The following FZD8 variants were observed in gnomAD, a reference collection of about 807,000 sequenced individuals.
FZD8 encodes the protein frizzled-8.
Under a neutral mutation model 46.0 loss-of-function variants are expected in FZD8, and 18 were observed. The ratio of observed to expected loss-of-function variants is 0.39; its 90% CI spans 0.27 to 0.58. The LOEUF (loss-of-function observed/expected upper bound fraction) is 0.58. FZD8 is among the 20% of genes least tolerant of loss of function. The pLI is 0.55. For missense variants in FZD8, 785 were observed against 983.4 expected, an observed-to-expected ratio of 0.80 and a Z score of 2.70; for synonymous variants, 586 against 467.9, an observed-to-expected ratio of 1.25 and a Z score of -3.26.
At position 35,641,151 on chromosome 10, in the gene FZD8, C is replaced by G; in HGVS notation, c.279G>C (p.Thr93=). ...TCTTGTAGTCCTCTAGGCAGATGGGCGTGTACATGCTGCACAGGAAGAACT... is the reference window on the plus strand; with the variant it reads ...TCTTGTAGTCCTCTAGGCAGATGGGGGTGTACATGCTGCACAGGAAGAACT... ...DLKFFLCSMY[T]PICLEDYKKP... Residue 93 remains threonine, a synonymous_variant, in exon 1 of 1, where the codon ACG becomes ACC. Transcript: ENST00000374694. The surrounding 1 kb of genome is among the most constrained non-coding windows in gnomAD (Gnocchi z 6.3). The G allele has an allele frequency of 1.2e-6, 2 of 1,613,648 alleles. No homozygotes were observed. The highest frequency in any genetic ancestry group is 1.7e-6 in the Non-Finnish European group (2 of 1,179,826).
Position 35,640,362 on chromosome 10 carries a change from CGCGCCGCCCGCGCCCCCA to C in FZD8, c.1050_1067del (p.Gly351_Ala356del). On this transcript the variant is annotated inframe_deletion, in exon 1 of 1. Transcript: ENST00000374694. ...CGCCCGCCGCGCCCGCGCCCGCCGC[CGCGCCGCCCGCGCCCCCA>C]GCGCCCCCCGCGCCCGGCGCGCCAC... 1 of 964,428 alleles carries C rather than the reference CGCGCCGCCCGCGCCCCCA, an allele frequency of 1.0e-6. No individual in the cohort carries two copies. Among genetic ancestry groups the C allele is most frequent in the Non-Finnish European group, 1.2e-6 (1 of 813,430 alleles). The allele number at this position is 964,428 out of a possible 1,614,324, so 59.7% of individuals were successfully genotyped here. A position where few individuals can be genotyped will look rare whatever the true frequency, so the allele number is the denominator to read the frequency against.
Position 35,640,348 on chromosome 10 carries a change from C to CCCGCCG in FZD8, c.1081_1082insCGGCGG (p.Ala360_Gly361insAlaAla). 1 of 962,546 alleles carries CCCGCCG rather than the reference C, an allele frequency of 1.0e-6. No homozygotes were observed. The highest frequency in any genetic ancestry group is 4.6e-5 in the South Asian group (1 of 21,596). The allele number at this position is 962,546 out of a possible 1,614,324, so 59.6% of individuals were successfully genotyped here. ...GCCGCCCGCGCCCGCGCCCGCCGCG[C>CCCGCCG]CCGCGCCCGCCGCCGCGCCGCCCGC... On this transcript the variant is annotated inframe_insertion, in exon 1 of 1. Coordinates refer to ENST00000374694, the MANE Select transcript of FZD8 (RefSeq NM_031866.3).
In FZD8 at chr10:35,639,510, A is replaced by AC; in HGVS notation, c.1919dup (p.Gly641TrpfsTer80). The AC allele has an allele frequency of 2.2e-6, 2 of 890,998 alleles. No homozygotes were observed. Among genetic ancestry groups the AC allele is most frequent in the Non-Finnish European group, 2.7e-6 (2 of 731,802 alleles). The allele number at this position is 890,998 out of a possible 1,614,324, so 55.2% of individuals were successfully genotyped here. On this transcript the variant is annotated frameshift_variant, in exon 1 of 1. Transcript: ENST00000374694. LOFTEE classifies it high-confidence loss of function. ...CGCCGCCGCCCCCCGGCCCGCCGCC[A>AC]CCCCCCGCGGCCGTGGCGCCCGCGC...
chr10:35,642,089 G>A lies in FZD8; in HGVS notation c.-660C>T, dbSNP rs1053088510. On this transcript the variant is annotated 5_prime_UTR_variant, in exon 1 of 1. Coordinates refer to ENST00000374694, the MANE Select transcript of FZD8 (RefSeq NM_031866.3). The stretch of plus-strand genomic sequence containing the variant: ...CGTCCGTCCGCCGCCGGGACAGACG[G>A]ACCCCCGCCGCCTGGAAAAGTCAGC... The A allele has an allele frequency of 2.6e-5, 4 of 153,480 alleles. No individual in the cohort carries two copies. The highest frequency in any genetic ancestry group is 9.7e-5 in the African/African-American group (4 of 41,448). The allele number at this position is 153,480 out of a possible 1,614,324, so 9.5% of individuals were successfully genotyped here.
chr10:35,639,534 GC>G lies in FZD8; in HGVS notation c.1895del (p.Gly632AlafsTer42). ...CACCCCCCGCGGCCGTGGCGCCCGCGCCCCCGCCCACCGCGGCGCCCTTGCT... is the reference window on the plus strand; with the variant it reads ...CACCCCCCGCGGCCGTGGCGCCCGCGCCCCGCCCACCGCGGCGCCCTTGCT... ...WASKGAAVGG[G>X]AGATAAGGGG... On this transcript the variant is annotated frameshift_variant, in exon 1 of 1. Transcript: ENST00000374694. LOFTEE classifies it high-confidence loss of function. The G allele has an allele frequency of 1.6e-6, 2 of 1,252,050 alleles. No homozygotes were observed. The highest frequency in any genetic ancestry group is 2.0e-6 in the Non-Finnish European group (2 of 986,262). 77.6% of individuals were successfully genotyped at this position (1,252,050 alleles called of 1,614,324 possible). A position where few individuals can be genotyped will look rare whatever the true frequency, so the allele number is the denominator to read the frequency against.
Position 35,638,776 on chromosome 10 carries a change from A to G in FZD8, c.*569T>C, listed in dbSNP as rs1296010805. ...CAATTTAACAAATAATTATATAAAT[A>G]CATCCTCTAATGTAAGAAACCCGTA... On this transcript the variant is annotated 3_prime_UTR_variant, in exon 1 of 1. Coordinates refer to ENST00000374694, the MANE Select transcript of FZD8 (RefSeq NM_031866.3). 1 of 152,626 alleles carries G rather than the reference A, an allele frequency of 6.6e-6. No individual in the cohort carries two copies. Among genetic ancestry groups the G allele is most frequent in the East Asian group, 1.9e-4 (1 of 5,184 alleles). The allele number at this position is 152,626 out of a possible 1,614,324, so 9.5% of individuals were successfully genotyped here.
In FZD8 at chr10:35,641,383, A is replaced by G; in HGVS notation, c.47T>C (p.Leu16Ser). 1 of 1,612,646 alleles carries G rather than the reference A, an allele frequency of 6.2e-7. No homozygotes were observed. The highest frequency in any genetic ancestry group is 8.5e-7 in the Non-Finnish European group (1 of 1,179,608). The change falls in exon 1 of 1, where the codon TTG (leucine) becomes TCG (serine). Residue 16 changes from leucine to serine, a missense_variant. Leu to Ser is a moderately radical substitution (Grantham distance 145, BLOSUM62 -2). Coordinates refer to ENST00000374694, the MANE Select transcript of FZD8 (RefSeq NM_031866.3). The surrounding 1 kb of genome is among the most constrained non-coding windows in gnomAD (Gnocchi z 6.3). Reference protein sequence around the residue: ...LLEVTSLLAALALLQRSSGAA... With the variant: ...LLEVTSLLAASALLQRSSGAA... ...GCCGCTAGAGCGCTGCAGCAGCGCC[A>G]AGGCGGCCAGCAGCGAGGTCACTTC...
chr10:35,641,632 C>A lies in FZD8; in HGVS notation c.-203G>T, dbSNP rs371313095. The A allele has an allele frequency of 1.6e-6, 1 of 635,212 alleles. No homozygotes were observed. The highest frequency in any genetic ancestry group is 3.1e-5 in the Admixed American group (1 of 32,360). 39.3% of individuals were successfully genotyped at this position (635,212 alleles called of 1,614,324 possible). A position where few individuals can be genotyped will look rare whatever the true frequency, so the allele number is the denominator to read the frequency against. The stretch of plus-strand genomic sequence containing the variant: ...GGCGCGGCCCGCAGCCTGGGCAGGG[C>A]CCTTCCGCACTCCTTTCCGCCGCTC... On this transcript the variant is annotated 5_prime_UTR_variant, in exon 1 of 1. Coordinates refer to ENST00000374694, the MANE Select transcript of FZD8 (RefSeq NM_031866.3). This position sits in a 1 kb window ranked among gnomAD's most constrained non-coding sequence, Gnocchi z 6.3.
Position 35,641,071 on chromosome 10 carries a change from G to T in FZD8, c.359C>A (p.Pro120Gln), listed in dbSNP as rs1416878224. 1 of 1,609,892 alleles carries T rather than the reference G, an allele frequency of 6.2e-7. No homozygotes were observed. The highest frequency in any genetic ancestry group is 1.7e-5 in the Admixed American group (1 of 59,862). ...VCERAKAGCA[P>Q]LMRQYGFAWP... is the part of the protein sequence containing the mutation. The stretch of plus-strand genomic sequence containing the variant: ...GGCGAAGCCGTACTGGCGCATGAGC[G>T]GCGCGCAGCCGGCCTTGGCGCGCTC... The change falls in exon 1 of 1, where the codon CCG becomes CAG. Residue 120 changes from proline (P) to glutamine (Q), a missense_variant. This residue lies in a region of FZD8 where 354 missense variants were observed against 433.2 expected (regional missense o/e 0.82). Transcript: ENST00000374694. This position sits in a 1 kb window ranked among gnomAD's most constrained non-coding sequence, Gnocchi z 6.3.
Position 35,639,304 on chromosome 10 carries a change from G to GGCCCCCCCCCCCCC in FZD8, c.*40_*41insGGGGGGGGGGGGGC. 2 of 826,696 alleles carry GGCCCCCCCCCCCCC rather than the reference G, an allele frequency of 2.4e-6. No homozygotes were observed. Among genetic ancestry groups the GGCCCCCCCCCCCCC allele is most frequent in the Non-Finnish European group, 3.5e-6 (2 of 565,358 alleles). The allele number at this position is 826,696 out of a possible 1,614,324, so 51.2% of individuals were successfully genotyped here. ...CCCTTCGCTGCACTTGGCTCTCCTC[G>GGCCCCCCCCCCCCC]CCCCCCTCCCCACCCCTCCTGGGCG... On this transcript the variant is annotated 3_prime_UTR_variant, in exon 1 of 1. Transcript: ENST00000374694.
At position 35,640,785 on chromosome 10, in the gene FZD8, G is replaced by A. The variant is rs1835846643; in HGVS notation, c.645C>T (p.Gly215=). The change falls in exon 1 of 1, where the codon GGC becomes GGT. Residue 215 remains glycine (G), a synonymous_variant. Transcript: ENST00000374694. ...CGCCGCCAGGGGGCCGCGCCTTCCC[G>A]CCACCGCCGCCGCCGCGAGCTGGGG... The part of the protein sequence containing the change: ...AAPPARGGGG[G]GKARPPGGGA... The A allele has an allele frequency of 1.8e-5, 20 of 1,128,868 alleles. No individual in the cohort carries two copies. In the South Asian group the frequency reaches 6.4e-4, roughly 36 times the overall value. The allele number at this position is 1,128,868 out of a possible 1,614,324, so 69.9% of individuals were successfully genotyped here.
In FZD8 at chr10:35,640,713, C is replaced by T; in HGVS notation, c.717G>A (p.Val239=). ...GCGGGTGGCGCTCGCTGGACACGCTCACCATAGGCGCGCGGCACTGGCACC... is the reference window on the plus strand; with the variant it reads ...GCGGGTGGCGCTCGCTGGACACGCTTACCATAGGCGCGCGGCACTGGCACC... The part of the protein sequence containing the change: ...EPGCQCRAPM[V]SVSSERHPLY... The change falls in exon 1 of 1, where the codon GTG becomes GTA. Residue 239 remains valine (V), a synonymous_variant. Coordinates refer to ENST00000374694, the MANE Select transcript of FZD8 (RefSeq NM_031866.3). 1 of 1,499,530 alleles carries T rather than the reference C, an allele frequency of 6.7e-7. No individual in the cohort carries two copies. Among genetic ancestry groups the T allele is most frequent in the Non-Finnish European group, 9.0e-7 (1 of 1,115,412 alleles). The allele number at this position is 1,499,530 out of a possible 1,614,324, so 92.9% of individuals were successfully genotyped here.
Position 35,641,025 on chromosome 10 carries a change from G to C in FZD8, c.405C>G (p.Cys135Trp), listed in dbSNP as rs773336882. The change falls in exon 1 of 1, where the codon TGC becomes TGG. Residue 135 changes from cysteine (C) to tryptophan (W), a missense_variant. By Grantham distance (215) the Cys-to-Trp change is radical (BLOSUM62 -2). Transcript: ENST00000374694. This position sits in a 1 kb window ranked among gnomAD's most constrained non-coding sequence, Gnocchi z 6.3. ...GGTTGCCTTGCTCGGGCAGCCGGTC[G>C]CAGCGCATGCGGTCGGGCCAGGCGA... ...YGFAWPDRMR[C>W]DRLPEQGNPD... 6.2e-7 allele frequency: 1 copy of C among 1,607,454 alleles called. No individual in the cohort carries two copies. Among genetic ancestry groups the C allele is most frequent in the South Asian group, 1.1e-5 (1 of 90,610 alleles).
rs1223883230 is a variant in FZD8 at position 35,639,486 on chromosome 10, GC to G, written c.1943del (p.Gly648AlafsTer26). 1 of 957,462 alleles carries G rather than the reference GC, an allele frequency of 1.0e-6. No individual in the cohort carries two copies. Among genetic ancestry groups the G allele is most frequent in the Non-Finnish European group, 1.2e-6 (1 of 807,352 alleles). 59.3% of individuals were successfully genotyped at this position (957,462 alleles called of 1,614,324 possible). A position where few individuals can be genotyped will look rare whatever the true frequency, so the allele number is the denominator to read the frequency against. On this transcript the variant is annotated frameshift_variant, in exon 1 of 1. Transcript: ENST00000374694. LOFTEE classifies it high-confidence loss of function. ...AGGGGGPGGG[G>X]GGGPGGGGGP... ...CCCCGCCGCCGCCGGGTCCCCCGCC[GC>G]CGCCGCCCCCCGGCCCGCCGCCACC...
rs1255499545 is a variant in FZD8 at position 35,640,896 on chromosome 10, C to A, written c.534G>T (p.Ser178=). ...PPPPPGEQPP[S]GSGHGRPPGA... ...CCGGCGGGCGGCCGTGGCCGCTGCC[C>A]GAAGGCGGCTGCTCGCCGGGCGGCG... is the stretch of plus-strand genomic sequence containing the variant. The change falls in exon 1 of 1, where the codon TCG becomes TCT. Residue 178 remains serine (S), a synonymous_variant. Coordinates refer to ENST00000374694, the MANE Select transcript of FZD8 (RefSeq NM_031866.3). The A allele has an allele frequency of 9.1e-7, 1 of 1,097,002 alleles. No individual in the cohort carries two copies. Among genetic ancestry groups the A allele is most frequent in the East Asian group, 5.4e-5 (1 of 18,350 alleles). The allele number at this position is 1,097,002 out of a possible 1,614,324, so 68.0% of individuals were successfully genotyped here. A position where few individuals can be genotyped will look rare whatever the true frequency, so the allele number is the denominator to read the frequency against.
At position 35,641,486 on chromosome 10, in the gene FZD8, G is replaced by GT. The variant is rs71003903; in HGVS notation, c.-58_-57insA. On this transcript the variant is annotated 5_prime_UTR_variant, in exon 1 of 1. Coordinates refer to ENST00000374694, the MANE Select transcript of FZD8 (RefSeq NM_031866.3). The surrounding 1 kb of genome is among the most constrained non-coding windows in gnomAD (Gnocchi z 6.3). ...CCAGGCGGCGCGCAGAGGGGTGCCG[G>GT]GGGGGGGGCCCACGAGAGAGCCGCA... 2.8e-5 allele frequency: 42 copies of GT among 1,509,266 alleles called. No homozygotes were observed. The East Asian group carries it at 7.8e-4, about 28-fold the overall frequency. 93.5% of individuals were successfully genotyped at this position (1,509,266 alleles called of 1,614,324 possible).
chr10:35,639,439 G>C lies in FZD8; in HGVS notation c.1991C>G (p.Ser664Cys), dbSNP rs1437071386. ...GCCAGTGCTGACGTCGCTGTAGAGG[G>C]AGCCCCCGCCGCCGCCCGGCCCCCC... The part of the protein sequence containing the change: ...GGGGPGGGGG[S>C]LYSDVSTGLT... Residue 664 changes from serine to cysteine, a missense_variant, in exon 1 of 1, where the codon TCC becomes TGC. This residue lies in a region of FZD8 where 185 missense variants were observed against 180.8 expected (regional missense o/e 1.02). Transcript: ENST00000374694. The C allele has an allele frequency of 8.3e-7, 1 of 1,208,506 alleles. No individual in the cohort carries two copies. Among genetic ancestry groups the C allele is most frequent in the Non-Finnish European group, 1.0e-6 (1 of 953,082 alleles). 74.9% of individuals were successfully genotyped at this position (1,208,506 alleles called of 1,614,324 possible).
Position 35,640,270 on chromosome 10 carries a change from C to T in FZD8, c.1160G>A (p.Arg387His), listed in dbSNP as rs776195359. The T allele has an allele frequency of 6.2e-7, 1 of 1,602,460 alleles. No homozygotes were observed. Among genetic ancestry groups the T allele is most frequent in the Non-Finnish European group, 8.5e-7 (1 of 1,178,904 alleles). Reference sequence around the variant, plus strand: ...CAGCGCGGGGCCGGTGGTCTCGTAGCGCACGTGCTGCTCCACCGCGCCCAG... The same window carrying T: ...CAGCGCGGGGCCGGTGGTCTCGTAGTGCACGTGCTGCTCCACCGCGCCCAG... ...EELGAVEQHVRYETTGPALCT... is the reference protein window; with the variant it reads ...EELGAVEQHVHYETTGPALCT... The change falls in exon 1 of 1, where the codon CGC becomes CAC. Residue 387 changes from arginine to histidine, a missense_variant. By Grantham distance (29) the Arg-to-His change is conservative. Around this residue, in one of 5 missense-constraint regions of FZD8, gnomAD observed 88 missense variants for 83.6 expected, o/e 1.05. Coordinates refer to ENST00000374694, the MANE Select transcript of FZD8 (RefSeq NM_031866.3).
rs1187842757 is a variant in FZD8, at chr10:35,638,925, CA to C, written c.*419del. ...CGGTCACCCCTCCTCCAGGGTAAGTCAGGGGTGGGAGTTTACGTAGGAAGAG... is the reference window on the plus strand; with the variant it reads ...CGGTCACCCCTCCTCCAGGGTAAGTCGGGGTGGGAGTTTACGTAGGAAGAG... On this transcript the variant is annotated 3_prime_UTR_variant, in exon 1 of 1. Transcript: ENST00000374694. 1.3e-5 allele frequency: 2 copies of C among 152,672 alleles called. No individual in the cohort carries two copies. Among genetic ancestry groups the C allele is most frequent in the African/African-American group, 2.4e-5 (1 of 41,410 alleles). 9.5% of individuals were successfully genotyped at this position (152,672 alleles called of 1,614,324 possible).
Sources: gnomAD v4.1 joint callset for allele counts on GRCh38, gnomAD v4.1.1 for gene constraint, gnomAD v4.1.1 regional missense constraint, Gnocchi (gnomAD v3.1) non-coding constraint, MANE v1.5 for transcripts, NCBI Gene and HGNC (gene_info 2026-07-23, HGNC 2026-07-21) for gene names.